Variants in TNRC18 observed in about 807,000 individuals in gnomAD.
The protein encoded by TNRC18 is trinucleotide repeat containing 18, also known as trinucleotide repeat-containing gene 18 protein.
Under a neutral mutation model 226.7 loss-of-function variants are expected in TNRC18, and 69 were observed. That is an observed-to-expected ratio of 0.30 (90% CI 0.25 to 0.37). The LOEUF (loss-of-function observed/expected upper bound fraction) is 0.37, where lower values mean the gene tolerates loss of function less well. TNRC18 is among the 10% of genes least tolerant of loss of function. The pLI is 1.00. For missense variants in TNRC18, 4,754 were observed against 4,256.6 expected (o/e 1.12, Z -3.25); for synonymous variants, 2,449 against 1,927.6 (o/e 1.27, Z -7.09).
chr7:5,333,192 G>A, intron 18 of TNRC18, 143 bp from the exon 19 acceptor site: 1 of 993,554 alleles, frequency 1.0e-6, no homozygotes. Flanking sequence ...AGGAAACTGA[G>A]GCCCAGAGGA....
chr7:5,353,738 G>A (rs949348353), intron 16 of TNRC18, among the ~76,000 whole-genome samples: 1 of 152,080 alleles, frequency 6.6e-6, no homozygotes, highest in Non-Finnish European at 1.5e-5. Context: ...TTGCAGAAAA[G>A]CAGATTATAA....
chr7:5,349,185 G>C (rs1006383013), intron 17 of TNRC18, among the ~76,000 whole-genome samples: 1 of 152,224 alleles, frequency 6.6e-6, no homozygotes, highest in Non-Finnish European at 1.5e-5. Context: ...CGGCATGGGA[G>C]ACCCTCCCGC....
intron 5 of TNRC18, among the ~76,000 whole-genome samples, chr7:5,379,818 G>A (rs1476620292): frequency 6.6e-6 from 1 of 152,248 alleles, no homozygotes; most frequent in Non-Finnish European, 1.5e-5. Flanking sequence ...CGGAGGCACG[G>A]CTGATACTCC....
Position 5,359,426 on chromosome 7 carries a change from T to C in TNRC18, c.4805A>G (p.His1602Arg), listed in dbSNP as rs769752891. Reference protein sequence around the residue: ...ARGRNQTWDEHEASSDFISQL... With the variant: ...ARGRNQTWDEREASSDFISQL... The stretch of plus-strand genomic sequence containing the variant: ...ACTGATGAAGTCCGACGAGGCCTCA[T>C]GTTCATCCCAAGTCTGGTTCCTCCC... The change falls in exon 15 of 30, where the codon CAT becomes CGT. Residue 1602 changes from histidine to arginine, a missense_variant. Coordinates refer to ENST00000430969, the MANE Select transcript of TNRC18 (RefSeq NM_001080495.3). 6.8e-6 allele frequency: 11 copies of C among 1,613,900 alleles called. No homozygotes were observed. Among genetic ancestry groups the C allele is most frequent in the Admixed American group, 6.7e-5 (4 of 59,998 alleles).
intron 18 of TNRC18, 36 bp downstream of exon 18, chr7:5,345,526 A>ACCCCCCCC: frequency 2.3e-5 from 4 of 177,496 alleles, no homozygotes; most frequent in East Asian, 2.6e-4. Context: ...CGCCCCTCCC[A>ACCCCCCCC]CCCACCCCCA....
Position 5,377,814 on chromosome 7 carries a change from A to G in TNRC18, c.2255+108T>C. Reference sequence around the variant, plus strand: ...GAGTGACTCCCGCTCTCAGTACCATAGCATCCATGGTCGAGGGGCCAAGCC... The same window carrying G: ...GAGTGACTCCCGCTCTCAGTACCATGGCATCCATGGTCGAGGGGCCAAGCC... On this transcript the variant is annotated intron_variant, in intron 6 of 29. Coordinates refer to ENST00000430969, the MANE Select transcript of TNRC18 (RefSeq NM_001080495.3). This position sits in a 1 kb window ranked among gnomAD's most constrained non-coding sequence, Gnocchi z 5.8. 2 of 1,126,594 alleles carry G rather than the reference A, an allele frequency of 1.8e-6. No homozygotes were observed. Among genetic ancestry groups the G allele is most frequent in the Non-Finnish European group, 2.6e-6 (2 of 772,730 alleles). The allele number at this position is 1,126,594 out of a possible 1,614,324, so 69.8% of individuals were successfully genotyped here. A position where few individuals can be genotyped will look rare whatever the true frequency, so the allele number is the denominator to read the frequency against.
intron 2 of TNRC18, among the ~76,000 whole-genome samples, chr7:5,396,385 C>CCCCG (rs1445971587): frequency 6.6e-6 from 1 of 151,884 alleles, no homozygotes; most frequent in Non-Finnish European, 1.5e-5. Flanking sequence ...TGACAACAGG[C>CCCCG]CGGGCAAGGT....
intron 2 of TNRC18, among the ~76,000 whole-genome samples, chr7:5,402,111 G>T: frequency 6.6e-6 from 1 of 150,540 alleles, no homozygotes. Context: ...CCCGGGAGGC[G>T]GAGCATGCCG....
chr7:5,356,816 G>A (rs1792457660), intron 16 of TNRC18, 100 bp downstream of exon 16: 2 of 1,373,066 alleles, frequency 1.5e-6, no homozygotes, highest in Middle Eastern at 2.6e-4. Flanking sequence ...GAGAGCGAGA[G>A]AGAGAGTGAG....
intron 16 of TNRC18, among the ~76,000 whole-genome samples, chr7:5,354,290 A>G (rs775985399): frequency 6.6e-6 from 1 of 152,074 alleles, no homozygotes; most frequent in Admixed American, 6.6e-5. Flanking sequence ...ACCAGCTCGG[A>G]GCACCCCAGA....
rs1787304080 is a variant in TNRC18, at chr7:5,312,279, G to A, written c.8388+224C>T. ...CTCTGCGTCCCGGGACCAGAGGGCAGGACCACTCTGCTCTGAAGGACTCGG... is the reference window on the plus strand; with the variant it reads ...CTCTGCGTCCCGGGACCAGAGGGCAAGACCACTCTGCTCTGAAGGACTCGG... On this transcript the variant is annotated intron_variant, in intron 27 of 29. Transcript: ENST00000430969. This position sits in a 1 kb window ranked among gnomAD's most constrained non-coding sequence, Gnocchi z 6.3. Among the ~76,000 whole-genome samples, 1 of 152,210 alleles carries A rather than the reference G, an allele frequency of 6.6e-6. No individual in the cohort carries two copies. The highest frequency in any genetic ancestry group is 1.5e-5 in the Non-Finnish European group (1 of 68,040).
intron 1 of TNRC18, among the ~76,000 whole-genome samples, chr7:5,422,553 C>T (rs1782645303): frequency 6.6e-6 from 1 of 152,202 alleles, no homozygotes; most frequent in Non-Finnish European, 1.5e-5. Context: ...ATTCCTGATT[C>T]CGGGAGGCCT....
Position 5,419,404 on chromosome 7 carries a change from T to TG in TNRC18, c.187+1655dup, listed in dbSNP as rs879869995. ...AGACCCGGGTACCGATTCCCAGGCT[T>TG]GGGGGGGGCCCCCCTGCCACCACTC... On this transcript the variant is annotated intron_variant, in intron 2 of 29. Transcript: ENST00000430969. 2.1e-3 allele frequency among the ~76,000 whole-genome samples: 320 copies of TG among 151,744 alleles called. 2 individuals carry two copies. Among genetic ancestry groups the TG allele is most frequent in the East Asian group, 3.7e-3 (19 of 5,150 alleles).
chr7:5,402,084 C>T (rs1341135441), intron 2 of TNRC18, among the ~76,000 whole-genome samples: 3 of 148,342 alleles, frequency 2.0e-5, no homozygotes, highest in African/African-American at 7.5e-5. Context: ...GAGGCTGAGG[C>T]AGGAGAACGG....
In TNRC18 at chr7:5,362,656, C is replaced by A; in HGVS notation, c.4389G>T (p.Glu1463Asp). 1 of 1,571,896 alleles carries A rather than the reference C, an allele frequency of 6.4e-7. No individual in the cohort carries two copies. Among genetic ancestry groups the A allele is most frequent in the Non-Finnish European group, 8.6e-7 (1 of 1,159,126 alleles). ...GAAGCAGCCAGCCGCTCACCCGCTC[C>A]TCCTTCTTGCGCATCCAGCTGTACT... is the stretch of plus-strand genomic sequence containing the variant. ...NKKYSWMRKK[E>D]ERMYAMKSSL... Residue 1463 changes from glutamate to aspartate, a missense_variant, in exon 12 of 30, where the codon GAG (glutamate) becomes GAT (aspartate). Transcript: ENST00000430969.
Position 5,374,062 on chromosome 7 carries a change from C to A in TNRC18, c.3222G>T (p.Leu1074=). Residue 1074 remains leucine (L), a synonymous_variant, in exon 10 of 30, where the codon CTG becomes CTT. Transcript: ENST00000430969. ...GTCTCAGCTGCATCCTACCTGAGAA[C>A]AGGGCCTGGAAGGGGCTGGGGGCTT... is the stretch of plus-strand genomic sequence containing the variant. ...EKEAPSPFQA[L]FSDIPPRYPF... The A allele has an allele frequency of 6.4e-7, 1 of 1,565,618 alleles. No individual in the cohort carries two copies. The highest frequency in any genetic ancestry group is 8.6e-7 in the Non-Finnish European group (1 of 1,160,076).
rs541711002 is a variant in TNRC18, at chr7:5,324,089, C to CT, written c.6442+124dup. 1,055 of 1,104,410 alleles carry CT rather than the reference C, an allele frequency of 9.6e-4. 13 individuals are homozygous for CT. In the East Asian group the frequency reaches 0.02, roughly 20 times the overall value. 68.4% of individuals were successfully genotyped at this position (1,104,410 alleles called of 1,614,324 possible). On this transcript the variant is annotated intron_variant, in intron 21 of 29. Coordinates refer to ENST00000430969, the MANE Select transcript of TNRC18 (RefSeq NM_001080495.3). This position sits in a 1 kb window ranked among gnomAD's most constrained non-coding sequence, Gnocchi z 4.8. ...CCCGGATAACTCAGCCTCAGGATCT[C>CT]TGCTCCTGTGGTTCCCTGCCCCCAG... is the stretch of plus-strand genomic sequence containing the variant.
At chr7:5,328,519 T>G (rs1261885079) in intron 19 of TNRC18, among the ~76,000 whole-genome samples, 1 of 151,744 alleles carries the variant, frequency 6.6e-6, no homozygotes, top group Non-Finnish European at 1.5e-5. Context: ...CGCCTTTTTT[T>G]TTTTTTTGAG....
At chr7:5,356,811 C>CGAGAGAGAGAGT in intron 16 of TNRC18, 105 bp downstream of exon 16, 1 of 1,372,694 alleles carries the variant, frequency 7.3e-7, no homozygotes. Flanking sequence ...AGAGCGAGAG[C>CGAGAGAGAGAGT]GAGAGAGAGA....
Sources: gnomAD v4.1 joint callset for allele counts (sites outside exome capture counted in the v4.1 genomes callset) on GRCh38, gnomAD v4.1.1 for gene constraint, Gnocchi (gnomAD v3.1) non-coding constraint, MANE v1.5 for transcripts, NCBI Gene and HGNC (gene_info 2026-07-23, HGNC 2026-07-21) for gene names.